Variants in AATF observed in about 807,000 individuals in gnomAD.
The protein encoded by AATF is apoptosis antagonizing transcription factor.
Under a neutral mutation model 63.7 loss-of-function variants are expected in AATF, and 48 were observed. The observed-to-expected ratio is 0.75, with a 90% CI of 0.60 to 0.96. The LOEUF is 0.96. Among genes scored for constraint, AATF ranks in the 40% least tolerant of loss-of-function variants. The pLI is 0.00. For missense variants in AATF, 639 were observed against 685.7 expected (o/e 0.93, Z 0.76); for synonymous variants, 258 against 247.7 (o/e 1.04, Z -0.39).
chr17:36,978,674 C>T (rs951310358), intron 4 of AATF, among the ~76,000 whole-genome samples: 1 of 151,916 alleles, frequency 6.6e-6, no homozygotes, highest in African/African-American at 2.4e-5. Context: ...ACACATATAC[C>T]TGTATATGTG....
chr17:36,950,111 T>C, intron 1 of AATF, 103 bp from the exon 2 acceptor site: 1 of 1,298,188 alleles, frequency 7.7e-7, no homozygotes, highest in Non-Finnish European at 1.1e-6. Context: ...GGTGGGGATT[T>C]CGTAAAGGAC....
chr17:36,956,792 C>T (rs533062266), intron 4 of AATF, among the ~76,000 whole-genome samples: 2 of 151,994 alleles, frequency 1.3e-5, no homozygotes, highest in Admixed American at 6.6e-5. Context: ...GCCTAGCCAA[C>T]GTGGTGAAAT....
intron 11 of AATF, among the ~76,000 whole-genome samples, chr17:37,046,563 C>T (rs1050969833): frequency 6.6e-6 from 1 of 152,064 alleles, no homozygotes; most frequent in African/African-American, 2.4e-5. Context: ...ACTTCTTGTG[C>T]GTTTTGATTG....
chr17:36,970,229 C>T (rs1378382291), intron 4 of AATF, among the ~76,000 whole-genome samples: 1 of 152,176 alleles, frequency 6.6e-6, no homozygotes, highest in Non-Finnish European at 1.5e-5. Context: ...TTTGCAGTCC[C>T]ACCAGCAGTG....
In AATF at chr17:36,953,170, C is replaced by T. The variant is rs146758318; in HGVS notation, c.568C>T (p.Gln190Ter). The T allele has an allele frequency of 1.7e-5, 27 of 1,613,970 alleles. No individual in the cohort carries two copies. The highest frequency in any genetic ancestry group is 5.0e-5 in the Admixed American group (3 of 59,986). ...AGAAGGGGATGACGCGGAAGACTCC[C>T]AAGGCGAGAGTGAGGAAGACAGGGC... ...MEEGDDAEDS[Q>*]GESEEDRAGD... is the part of the protein sequence containing the mutation. Residue 190 changes from glutamine (Q) to a stop codon, truncating the protein, a stop_gained, in exon 3 of 12, where the codon CAA (glutamine) becomes TAA (stop). Transcript: ENST00000619387. LOFTEE classifies it high-confidence loss of function.
chr17:36,964,363 A>G (rs901082442), intron 4 of AATF, among the ~76,000 whole-genome samples: 1 of 151,918 alleles, frequency 6.6e-6, no homozygotes, highest in Non-Finnish European at 1.5e-5. Context: ...AATGTGGACC[A>G]TCTCATGGTG....
intron 11 of AATF, among the ~76,000 whole-genome samples, chr17:37,047,099 GAGAAACCCTGCTAAAAGC>G (rs2071700088): frequency 6.6e-6 from 1 of 152,138 alleles, no homozygotes; most frequent in Non-Finnish European, 1.5e-5. Flanking sequence ...TAAAAATAAA[GAGAAACCCTGCTAAAAGC>G]AGTGTGATGA....
At chr17:36,989,526 C>T in intron 7 of AATF, 115 bp downstream of exon 7, 1 of 1,097,668 alleles carries the variant, frequency 9.1e-7, no homozygotes, top group East Asian at 2.6e-5. Context: ...GAAAGGAAAG[C>T]AACACTACTT....
chr17:37,027,443 G>T (rs1310334158), intron 10 of AATF, among the ~76,000 whole-genome samples: 1 of 151,760 alleles, frequency 6.6e-6, no homozygotes, highest in Non-Finnish European at 1.5e-5. Context: ...TCTTTAATCT[G>T]ATTTCTTCCT....
In AATF at chr17:37,056,699, G is replaced by T. The variant is rs148245622; in HGVS notation, c.*35G>T. 374 of 1,608,744 alleles carry T rather than the reference G, an allele frequency of 2.3e-4. 2 individuals carry two copies. The East Asian group carries it at 7.4e-3, about 32-fold the overall frequency. ...CCTCCGACACCCAGTGGGCGCCTTG[G>T]CTGGTGCGGCTGCTGGTCCAGATGG... On this transcript the variant is annotated 3_prime_UTR_variant, in exon 12 of 12. Coordinates refer to ENST00000619387, the MANE Select transcript of AATF (RefSeq NM_012138.4).
intron 8 of AATF, among the ~76,000 whole-genome samples, chr17:37,010,199 A>G (rs2071379675): frequency 1.3e-5 from 2 of 152,184 alleles, no homozygotes; most frequent in African/African-American, 2.4e-5. Context: ...TCACGCCTAT[A>G]ATCCCAGCAC....
At chr17:37,005,181 G>T (rs2071332754) in intron 8 of AATF, among the ~76,000 whole-genome samples, 1 of 152,230 alleles carries the variant, frequency 6.6e-6, no homozygotes, top group African/African-American at 2.4e-5. Context: ...CATATGCAGT[G>T]TATTACCTTT....
rs1567974949 is a variant in AATF at position 36,988,647 on chromosome 17, TTACAGTC to T, written c.1082_1088del (p.Val361GlyfsTer31). 6.2e-7 allele frequency: 1 copy of T among 1,614,120 alleles called. No individual in the cohort carries two copies. Among genetic ancestry groups the T allele is most frequent in the Non-Finnish European group, 8.5e-7 (1 of 1,180,020 alleles). On this transcript the variant is annotated frameshift_variant, in exon 6 of 12. Coordinates refer to ENST00000619387, the MANE Select transcript of AATF (RefSeq NM_012138.4). LOFTEE classifies it high-confidence loss of function. ...TTCATGGCAAAGCGCTTTGCCGACTTTACAGTCTACAGGAACCGCACACTTCAGAAAT... is the reference window on the plus strand; with the variant it reads ...TTCATGGCAAAGCGCTTTGCCGACTTTACAGGAACCGCACACTTCAGAAAT...
intron 8 of AATF, among the ~76,000 whole-genome samples, chr17:36,994,681 G>A (rs139491157): frequency 4.4e-4 from 67 of 152,310 alleles, no homozygotes; most frequent in African/African-American, 1.6e-3. Context: ...GTGTCTGTTT[G>A]TTATGTCATG....
intron 4 of AATF, among the ~76,000 whole-genome samples, chr17:36,977,732 C>A (rs111763168): frequency 0.018 from 2,740 of 152,252 alleles, 96 homozygotes; most frequent in African/African-American, 0.062. Context: ...TAAACAATTA[C>A]AGTACTTGTA....
chr17:37,006,095 C>G (rs189272491), intron 8 of AATF, among the ~76,000 whole-genome samples: 8 of 152,182 alleles, frequency 5.3e-5, no homozygotes, highest in African/African-American at 1.9e-4. Flanking sequence ...TATGATTGTG[C>G]CGCTATACTC....
In AATF at chr17:36,956,988, A is replaced by AAGAG. The variant is rs779285659; in HGVS notation, c.832+3093_832+3096dup. On this transcript the variant is annotated intron_variant, in intron 4 of 11. Coordinates refer to ENST00000619387, the MANE Select transcript of AATF (RefSeq NM_012138.4). ...CGAAACTGTCCCCCCCGAAAAAAAA[A>AAGAG]AGAGAGAGAGAGAGAAAATTCTTGA... Among the ~76,000 whole-genome samples the AAGAG allele has an allele frequency of 5.3e-5, 8 of 151,838 alleles. No homozygotes were observed. The East Asian group carries it at 1.4e-3, about 26-fold the overall frequency.
At chr17:36,990,750 T>G (rs1199681707) in intron 7 of AATF, 24 bp from the exon 8 acceptor site, 2 of 1,501,754 alleles carry the variant, frequency 1.3e-6, no homozygotes, top group Non-Finnish European at 1.8e-6. Context: ...GGATTCACTC[T>G]TTTCTTACTC....
At position 37,020,983 on chromosome 17, in the gene AATF, G is replaced by T. The variant is rs777818504; in HGVS notation, c.1516G>T (p.Asp506Tyr). Residue 506 changes from aspartate (D) to tyrosine (Y), a missense_variant, in exon 10 of 12, where the codon GAT becomes TAT. Asp to Tyr is a radical substitution (Grantham distance 160). Transcript: ENST00000619387. ...KLRSKIHKKVDRKASKGRKLR... is the reference protein window; with the variant it reads ...KLRSKIHKKVYRKASKGRKLR... ...ACGAAGCAAAATCCACAAAAAAGTA[G>T]ATAGGAAAGCCAGCAAAGGCAGGAA... The T allele has an allele frequency of 6.2e-7, 1 of 1,611,558 alleles. No individual in the cohort carries two copies. Among genetic ancestry groups the T allele is most frequent in the South Asian group, 1.1e-5 (1 of 90,552 alleles).
Sources: allele counts gnomAD v4.1 joint callset (sites outside exome capture counted in the v4.1 genomes callset), GRCh38; gene constraint gnomAD v4.1.1; transcripts MANE v1.5; gene names NCBI Gene and HGNC (gene_info 2026-07-23, HGNC 2026-07-21).